MLH3: variants seen among roughly 807,000 people sequenced by gnomAD.
MLH3 encodes the protein DNA mismatch repair protein Mlh3.
In MLH3, 82 loss-of-function variants were observed where a neutral mutation model predicts 122.2. The observed-to-expected ratio is 0.67, with a 90% CI of 0.56 to 0.81. The LOEUF is 0.81. MLH3 is among the 30% of genes least tolerant of loss of function. The pLI, the probability that MLH3 is intolerant of heterozygous loss-of-function variation, is 0.00. For synonymous variants in MLH3, 524 were observed against 599.5 expected (o/e 0.87, Z 1.84); for missense variants, 1,539 against 1,714.5 (o/e 0.90, Z 1.81).
At chr14:75,046,060 A>T (rs1892187052) in intron 2 of MLH3, among the ~76,000 whole-genome samples, 1 of 151,832 alleles carries the variant, frequency 6.6e-6, no homozygotes, top group African/African-American at 2.4e-5. Context: ...TGCTCTTGTA[A>T]TCCAAGCTAC....
Position 75,043,262 on chromosome 14 carries a change from C to T in MLH3, c.3281-785G>A, listed in dbSNP as rs535689152. On this transcript the variant is annotated intron_variant, in intron 2 of 12. Transcript: ENST00000355774. ...CTTGTCAGCCATAACTTGGTGCAACCTTCACAAATCTCCAACTTATGTCTC... is the reference window on the plus strand; with the variant it reads ...CTTGTCAGCCATAACTTGGTGCAACTTTCACAAATCTCCAACTTATGTCTC... Among the ~76,000 whole-genome samples, 6 of 152,340 alleles carry T rather than the reference C, an allele frequency of 3.9e-5. No homozygotes were observed. The East Asian group carries it at 1.2e-3, about 29-fold the overall frequency.
rs2139506711 is a variant in MLH3, at chr14:75,042,460, G to A, written c.3298C>T (p.Gln1100Ter). The stretch of plus-strand genomic sequence containing the variant: ...AGAACAAGGTCGCTTCTAAAAGGTT[G>A]ACACCTGTACTGAGACCCTAAATAT... ...VLENGSQYRCQPFRSDLVLPF... is the reference protein window; with the variant it reads ...VLENGSQYRC The change falls in exon 3 of 13, where the codon CAA (glutamine) becomes TAA (stop). Residue 1100 changes from glutamine to a stop codon, truncating the protein, a stop_gained. Coordinates refer to ENST00000355774, the MANE Select transcript of MLH3 (RefSeq NM_001040108.2). LOFTEE classifies it high-confidence loss of function. 6.2e-7 allele frequency: 1 copy of A among 1,613,796 alleles called. No homozygotes were observed. Among genetic ancestry groups the A allele is most frequent in the Non-Finnish European group, 8.5e-7 (1 of 1,179,672 alleles).
intron 3 of MLH3, 74 bp from the exon 4 acceptor site, chr14:75,041,774 G>T: frequency 9.6e-7 from 1 of 1,045,630 alleles, no homozygotes; most frequent in Non-Finnish European, 1.5e-6. Context: ...TTCCTGTTTG[G>T]TGAGCCATAG....
At position 75,051,226 on chromosome 14, in the gene MLH3, C is replaced by A. The variant is rs569303473; in HGVS notation, c.-64+154G>T. On this transcript the variant is annotated intron_variant, in intron 1 of 12. Transcript: ENST00000355774. ...CTCCCTGGCCAGCCCCGTCCTTGTCCCCAAACTGGGCCCGCCCGGCCGCCA... is the reference window on the plus strand; with the variant it reads ...CTCCCTGGCCAGCCCCGTCCTTGTCACCAAACTGGGCCCGCCCGGCCGCCA... Among the ~76,000 whole-genome samples the A allele has an allele frequency of 7.7e-4, 117 of 152,172 alleles. 1 individual carries two copies. Among genetic ancestry groups the A allele is most frequent in the African/African-American group, 2.5e-3 (105 of 41,546 alleles).
chr14:75,016,124 C>T lies in MLH3; in HGVS notation c.*958G>A, dbSNP rs398896. ...AATGGCATAACAAGCATTTGCAGAA[C>T]GATCAGTCCTGGTCCCAAGTGATAT... On this transcript the variant is annotated 3_prime_UTR_variant, in exon 13 of 13. Transcript: ENST00000355774. 5 of 223,506 alleles carry T rather than the reference C, an allele frequency of 2.2e-5. No individual in the cohort carries two copies. Among genetic ancestry groups the T allele is most frequent in the East Asian group, 6.5e-5 (1 of 15,388 alleles). The allele number at this position is 223,506 out of a possible 1,614,324, so 13.8% of individuals were successfully genotyped here. A position where few individuals can be genotyped will look rare whatever the true frequency, so the allele number is the denominator to read the frequency against.
intron 9 of MLH3, among the ~76,000 whole-genome samples, chr14:75,029,260 T>A (rs1890879850): frequency 6.6e-6 from 1 of 152,080 alleles, no homozygotes; most frequent in South Asian, 2.1e-4. Flanking sequence ...GTCTTCACCC[T>A]CATCATTTTC....
rs1890378426 is a variant in MLH3 at position 75,022,841 on chromosome 14, T to C, written c.4063A>G (p.Lys1355Glu). 8 of 1,614,150 alleles carry C rather than the reference T, an allele frequency of 5.0e-6. No homozygotes were observed. Among genetic ancestry groups the C allele is most frequent in the Non-Finnish European group, 5.9e-6 (7 of 1,179,996 alleles). ...IQGTLPLTVQ[K>E]VLASQACHGA... ...TGGCAGGCTTGGGATGCCAACACCT[T>C]CTGGACAGTCAGTGGCAATGTCCCT... Residue 1355 changes from lysine (K) to glutamate (E), a missense_variant, in exon 11 of 13, where the codon AAG becomes GAG. Physicochemically the swap from Lys to Glu is moderately conservative, Grantham distance 56 (BLOSUM62 1). Transcript: ENST00000355774.
intron 5 of MLH3, among the ~76,000 whole-genome samples, chr14:75,039,550 G>A (rs2139465614): frequency 6.6e-6 from 1 of 152,112 alleles, no homozygotes; most frequent in South Asian, 2.1e-4. Context: ...TAAGGACAAG[G>A]TCACTAAAGG....
rs201377029 is a variant in MLH3, at chr14:75,030,517, C to T, written c.3987+26G>A. On this transcript the variant is annotated intron_variant, in intron 9 of 12. Transcript: ENST00000355774. ...TGAGGTTACCATCACTCAGCAATTT[C>T]CTTAACATCTGCAGCTGTGTCTTAC... The T allele has an allele frequency of 3.6e-5, 58 of 1,611,794 alleles. No homozygotes were observed. The African/African-American group carries it at 7.1e-4, about 20-fold the overall frequency.
chr14:75,018,792 C>A (rs762864101), intron 12 of MLH3, 37 bp downstream of exon 12: 1 of 1,609,132 alleles, frequency 6.2e-7, no homozygotes, highest in Admixed American at 1.7e-5. Context: ...AGAAAATAAA[C>A]TTTGCTCCCT....
chr14:75,034,637 T>G (rs1212630626), intron 6 of MLH3, among the ~76,000 whole-genome samples: 1 of 152,060 alleles, frequency 6.6e-6, no homozygotes, highest in Non-Finnish European at 1.5e-5. Context: ...CATTAAAAAA[T>G]GTAAAAACCA....
At chr14:75,020,076 TGAA>T (rs1381799671) in intron 11 of MLH3, among the ~76,000 whole-genome samples, 4 of 152,044 alleles carry the variant, frequency 2.6e-5, no homozygotes, top group South Asian at 2.1e-4. Context: ...CGTGGCTAAT[TGAA>T]GAAGGAGAGA....
chr14:75,029,236 G>T (rs537657923), intron 9 of MLH3, among the ~76,000 whole-genome samples: 1 of 151,900 alleles, frequency 6.6e-6, no homozygotes, highest in Admixed American at 6.6e-5. Context: ...AAGTGGAAAT[G>T]AATCATCATA....
At chr14:75,031,234 T>G (rs1179730775) in intron 8 of MLH3, among the ~76,000 whole-genome samples, 1 of 152,236 alleles carries the variant, frequency 6.6e-6, no homozygotes, top group Non-Finnish European at 1.5e-5. Flanking sequence ...TAATTTGTGC[T>G]GCCTAGAAGA....
chr14:75,039,830 T>G, intron 5 of MLH3, 81 bp downstream of exon 5: 1 of 401,796 alleles, frequency 2.5e-6, no homozygotes, highest in South Asian at 3.4e-5. Flanking sequence ...TAAATCAAAT[T>G]TTAGAAGAGT....
At position 75,048,985 on chromosome 14, in the gene MLH3, C is replaced by G. The variant is rs1381457653; in HGVS notation, c.671G>C (p.Arg224Thr). 1 of 1,613,912 alleles carries G rather than the reference C, an allele frequency of 6.2e-7. No individual in the cohort carries two copies. Among genetic ancestry groups the G allele is most frequent in the African/African-American group, 1.3e-5 (1 of 75,014 alleles). Residue 224 changes from arginine (R) to threonine (T), a missense_variant, in exon 2 of 13, where the codon AGA becomes ACA. Coordinates refer to ENST00000355774, the MANE Select transcript of MLH3 (RefSeq NM_001040108.2). ...IYGLGKSQKL[R>T]EISFKYKEFE... Reference sequence around the variant, plus strand: ...CTCTTTATATTTAAAACTTATTTCTCTTAGCTTTTGGGACTTTCCCAATCC... The same window carrying G: ...CTCTTTATATTTAAAACTTATTTCTGTTAGCTTTTGGGACTTTCCCAATCC...
Position 75,018,910 on chromosome 14 carries a change from G to T in MLH3, c.4161C>A (p.Cys1387Ter), listed in dbSNP as rs576429875. ...CGTGAGCACACTGGAATGGCAGCTG[G>T]CATGAGGACAGAGCTTCAATAAGGC... ...SCRLIEALSSCQLPFQCAHGR... is the reference protein window; with the variant it reads ...SCRLIEALSS Residue 1387 changes from cysteine (C) to a stop codon, truncating the protein, a stop_gained, in exon 12 of 13, where the codon TGC (cysteine) becomes TGA (stop). Coordinates refer to ENST00000355774, the MANE Select transcript of MLH3 (RefSeq NM_001040108.2). LOFTEE classifies it high-confidence loss of function. 6.2e-7 allele frequency: 1 copy of T among 1,614,122 alleles called. No homozygotes were observed. Among genetic ancestry groups the T allele is most frequent in the East Asian group, 2.2e-5 (1 of 44,886 alleles).
At chr14:75,037,012 T>A (rs1398311057) in intron 6 of MLH3, among the ~76,000 whole-genome samples, 2 of 151,754 alleles carry the variant, frequency 1.3e-5, no homozygotes, top group Admixed American at 6.6e-5. Context: ...TGATGTGACA[T>A]GTACCACCCC....
At chr14:75,042,933 A>G (rs1421907918) in intron 2 of MLH3, among the ~76,000 whole-genome samples, 3 of 151,776 alleles carry the variant, frequency 2.0e-5, no homozygotes, top group Non-Finnish European at 4.4e-5. Context: ...GCGTCACCAC[A>G]CCCGGCTAAT....
Sources: gnomAD v4.1 joint callset for allele counts (sites outside exome capture counted in the v4.1 genomes callset) on GRCh38, gnomAD v4.1.1 for gene constraint, MANE v1.5 for transcripts, NCBI Gene and HGNC (gene_info 2026-07-23, HGNC 2026-07-21) for gene names.